PLCG2: variants seen among roughly 807,000 people sequenced by gnomAD.
The protein encoded by PLCG2 is phospholipase C gamma 2, also known as 1-phosphatidylinositol 4,5-bisphosphate phosphodiesterase gamma-2.
Under a neutral mutation model 175.6 loss-of-function variants are expected in PLCG2, and 69 were observed. The ratio of observed to expected loss-of-function variants is 0.39; its 90% CI spans 0.32 to 0.48. The LOEUF is 0.48. Ranked by LOEUF, PLCG2 falls within the 20% of genes least tolerant of loss-of-function variation. The pLI is 0.91. For synonymous variants in PLCG2, 827 were observed against 624.0 expected, an observed-to-expected ratio of 1.33 and a Z score of -4.85; for missense variants, 1,798 against 1,650.9, an observed-to-expected ratio of 1.09 and a Z score of -1.54.
intron 2 of PLCG2, among the ~76,000 whole-genome samples, chr16:81,820,181 CATTTT>C (rs1185959559): frequency 6.6e-6 from 1 of 152,158 alleles, no homozygotes; most frequent in African/African-American, 2.4e-5. Context: ...AAAAGGCACT[CATTTT>C]AAGTACACAG....
At chr16:81,876,780 G>C (rs980540963) in intron 7 of PLCG2, among the ~76,000 whole-genome samples, 6 of 152,174 alleles carry the variant, frequency 3.9e-5, no homozygotes, top group African/African-American at 1.4e-4. Flanking sequence ...CCTGTCCCTT[G>C]GTTAGGTAGA....
intron 24 of PLCG2, among the ~76,000 whole-genome samples, chr16:81,930,766 C>G (rs1449926146): frequency 7.5e-6 from 1 of 132,938 alleles, no homozygotes; most frequent in African/African-American, 2.7e-5. Flanking sequence ...AAAAAAAAGC[C>G]ATTTAAATTA....
chr16:81,818,979 C>G (rs975937568), intron 2 of PLCG2, among the ~76,000 whole-genome samples: 7 of 144,870 alleles, frequency 4.8e-5, no homozygotes, highest in African/African-American at 1.6e-4. Flanking sequence ...ATTTCCAACA[C>G]TGTCATCTTA....
At chr16:81,774,373 CG>C (rs955640390), upstream of PLCG2, among the ~76,000 whole-genome samples, 5 of 151,728 alleles carry the variant, frequency 3.3e-5, no homozygotes, top group Non-Finnish European at 7.4e-5. Context: ...ACCATTAAAC[CG>C]GGGGCTCCAC....
chr16:81,839,809 G>C (rs4569271), intron 2 of PLCG2, among the ~76,000 whole-genome samples: 229 of 152,300 alleles, frequency 1.5e-3, no homozygotes, highest in African/African-American at 4.9e-3. Flanking sequence ...CCAACACTTG[G>C]GGAAACCAAA....
intron 2 of PLCG2, among the ~76,000 whole-genome samples, chr16:81,757,748 A>G (rs1256373301): frequency 6.6e-6 from 1 of 152,132 alleles, no homozygotes; most frequent in African/African-American, 2.4e-5. Flanking sequence ...CATCATCACC[A>G]CAATCAATTT....
At chr16:81,876,414 C>T (rs1307554513) in intron 7 of PLCG2, among the ~76,000 whole-genome samples, 2 of 152,134 alleles carry the variant, frequency 1.3e-5, no homozygotes. Flanking sequence ...AGACCAGCTT[C>T]GGTTGTGAAA....
chr16:81,953,494 T>C (rs1334569766), intron 31 of PLCG2, among the ~76,000 whole-genome samples: 1 of 151,872 alleles, frequency 6.6e-6, no homozygotes, highest in Non-Finnish European at 1.5e-5. Context: ...TGTGTATTTT[T>C]CCCCCCAACA....
intron 2 of PLCG2, among the ~76,000 whole-genome samples, chr16:81,767,141 T>C (rs1336167682): frequency 1.6e-5 from 2 of 128,246 alleles, no homozygotes. Context: ...TCGTGGTTTT[T>C]TTTTTTTTTT....
chr16:81,885,126 A>G (rs536056754), intron 9 of PLCG2, among the ~76,000 whole-genome samples: 1 of 151,790 alleles, frequency 6.6e-6, no homozygotes, highest in Non-Finnish European at 1.5e-5. Context: ...TCCCATGTTC[A>G]AGTGATTCTC....
intron 2 of PLCG2, among the ~76,000 whole-genome samples, chr16:81,761,829 A>ATTTACTTTTTTTTTTT (rs909875950): frequency 7.7e-6 from 1 of 130,242 alleles, no homozygotes; most frequent in African/African-American, 2.8e-5. Context: ...CACCCTGCAC[A>ATTTACTTTTTTTTTTT]TTTTTTTTTT....
intron 30 of PLCG2, among the ~76,000 whole-genome samples, chr16:81,944,300 T>C (rs991939426): frequency 1.3e-5 from 2 of 152,098 alleles, no homozygotes; most frequent in Non-Finnish European, 2.9e-5. Context: ...GGGTTGAAAA[T>C]ATTTTTGAAA....
At chr16:81,790,488 C>T (rs969894091) in intron 2 of PLCG2, among the ~76,000 whole-genome samples, 19 of 152,174 alleles carry the variant, frequency 1.2e-4, no homozygotes, top group African/African-American at 4.6e-4. Flanking sequence ...TCAGTGTCAC[C>T]GCTCAGTCTC....
intron 5 of PLCG2, 32 bp from the exon 6 acceptor site, chr16:81,869,182 A>C: frequency 6.4e-7 from 1 of 1,562,644 alleles, no homozygotes; most frequent in South Asian, 1.1e-5. Context: ...AAAACCCTCA[A>C]GGTGACAGAA....
chr16:81,894,518 C>T (rs1218231543), intron 12 of PLCG2, among the ~76,000 whole-genome samples: 1 of 152,198 alleles, frequency 6.6e-6, no homozygotes, highest in Non-Finnish European at 1.5e-5. Context: ...CATAGCCTCT[C>T]TGGCTATTTT....
At chr16:81,932,081 A>C (rs936219518) in intron 25 of PLCG2, among the ~76,000 whole-genome samples, 4 of 152,118 alleles carry the variant, frequency 2.6e-5, no homozygotes, top group African/African-American at 9.7e-5. Context: ...GAACATAGCA[A>C]ATCAGCGAGA....
At chr16:81,902,772 G>C (rs1001567781) in intron 14 of PLCG2, among the ~76,000 whole-genome samples, 1 of 152,206 alleles carries the variant, frequency 6.6e-6, no homozygotes, top group African/African-American at 2.4e-5. Context: ...ATAAAGGAAA[G>C]AGGTTTAATG....
At chr16:81,783,698 C>T (rs1020011234) in intron 1 of PLCG2, among the ~76,000 whole-genome samples, 1 of 152,138 alleles carries the variant, frequency 6.6e-6, no homozygotes, top group African/African-American at 2.4e-5. Flanking sequence ...GGGGAAGGGC[C>T]CAATAAATGG....
At chr16:81,854,263 G>T (rs1597356075) in intron 2 of PLCG2, among the ~76,000 whole-genome samples, 181 bp from the exon 3 acceptor site, 1 of 152,140 alleles carries the variant, frequency 6.6e-6, no homozygotes, top group African/African-American at 2.4e-5. Context: ...GCCCGGGTAG[G>T]GTCTTAGCCC....
Sources: gnomAD v4.1 joint callset for allele counts (sites outside exome capture counted in the v4.1 genomes callset) on GRCh38, gnomAD v4.1.1 for gene constraint, MANE v1.5 for transcripts, NCBI Gene and HGNC (gene_info 2026-07-23, HGNC 2026-07-21) for gene names.